PSKH2: variants seen among roughly 807,000 people sequenced by gnomAD.
PSKH2 encodes the protein serine/threonine-protein kinase H2.
In PSKH2, 16 loss-of-function variants were observed where a neutral mutation model predicts 22.5. The ratio of observed to expected loss-of-function variants is 0.71; its 90% CI spans 0.48 to 1.08. The LOEUF is 1.08. Among genes scored for constraint, PSKH2 ranks in the 50% least tolerant of loss-of-function variants. The pLI is 0.00. For missense variants in PSKH2, 516 were observed against 492.8 expected (o/e 1.05, Z -0.44); for synonymous variants, 188 against 184.8 (o/e 1.02, Z -0.14).
At chr8:86,055,240 G>A (rs1327225869) in intron 2 of PSKH2, among the ~76,000 whole-genome samples, 2 of 152,014 alleles carry the variant, frequency 1.3e-5, no homozygotes, top group African/African-American at 4.8e-5. Context: ...TGATATCAAG[G>A]TCAAGATACA....
intron 2 of PSKH2, among the ~76,000 whole-genome samples, chr8:86,050,888 CTA>C (rs1817621038): frequency 6.6e-6 from 1 of 152,060 alleles, no homozygotes; most frequent in Non-Finnish European, 1.5e-5. Context: ...CCTATTAACT[CTA>C]TGTTTTGTTT....
At chr8:86,065,707 C>T (rs971456667) in intron 1 of PSKH2, among the ~76,000 whole-genome samples, 1 of 152,044 alleles carries the variant, frequency 6.6e-6, no homozygotes, top group Non-Finnish European at 1.5e-5. Flanking sequence ...GCACGGTGGG[C>T]TCATCGTGTA....
chr8:86,068,705 A>C (rs912697028), intron 1 of PSKH2, among the ~76,000 whole-genome samples: 1 of 152,148 alleles, frequency 6.6e-6, no homozygotes, highest in Non-Finnish European at 1.5e-5. Flanking sequence ...CACTCGCTGT[A>C]ATCCCAATTT....
intron 2 of PSKH2, among the ~76,000 whole-genome samples, chr8:86,063,637 A>T (rs545218381): frequency 6.6e-6 from 1 of 152,332 alleles, no homozygotes; most frequent in Non-Finnish European, 1.5e-5. Context: ...ACTGCAGAGG[A>T]ACTCATTTAT....
At chr8:86,053,522 C>A (rs1012660619) in intron 2 of PSKH2, among the ~76,000 whole-genome samples, 1 of 152,128 alleles carries the variant, frequency 6.6e-6, no homozygotes, top group African/African-American at 2.4e-5. Context: ...GGTGGTGCCT[C>A]TTCAAGGAGA....
At chr8:86,067,830 G>A (rs1315069924) in intron 1 of PSKH2, among the ~76,000 whole-genome samples, 1 of 152,178 alleles carries the variant, frequency 6.6e-6, no homozygotes, top group South Asian at 2.1e-4. Context: ...CTGTGTTCTA[G>A]TCCCAATTCT....
chr8:86,069,260 C>T (rs529505087), intron 1 of PSKH2, among the ~76,000 whole-genome samples, 178 bp downstream of exon 1: 80 of 152,198 alleles, frequency 5.3e-4, no homozygotes, highest in African/African-American at 1.9e-3. Context: ...AAAAGACACT[C>T]TTGGGTTGTA....
intron 2 of PSKH2, among the ~76,000 whole-genome samples, chr8:86,062,399 T>C (rs1295076816): frequency 6.6e-6 from 1 of 152,172 alleles, no homozygotes; most frequent in African/African-American, 2.4e-5. Flanking sequence ...TCAAAATACA[T>C]AAATTTTTTA....
chr8:86,064,390 C>G lies in PSKH2; in HGVS notation c.427G>C (p.Gly143Arg). 1.9e-6 allele frequency: 3 copies of G among 1,614,154 alleles called. No homozygotes were observed. Among genetic ancestry groups the G allele is most frequent in the Non-Finnish European group, 2.5e-6 (3 of 1,180,036 alleles). The change falls in exon 2 of 3, where the codon GGG becomes CGG. Residue 143 changes from glycine (G) to arginine (R), a missense_variant. Physicochemically the swap from Gly to Arg is moderately radical, Grantham distance 125. Transcript: ENST00000276616. The part of the protein sequence containing the change: ...VYMVMELATG[G>R]ELFDRLIAQG... The stretch of plus-strand genomic sequence containing the variant: ...GCAATGAGTCGATCAAAGAGCTCCC[C>G]TCCGGTAGCCAGCTCCATTACCATG...
At chr8:86,050,642 C>T (rs1364524306) in intron 2 of PSKH2, among the ~76,000 whole-genome samples, 4 of 152,108 alleles carry the variant, frequency 2.6e-5, no homozygotes, top group Admixed American at 2.6e-4. Flanking sequence ...CAGCACATAC[C>T]GTATACCCGG....
intron 2 of PSKH2, among the ~76,000 whole-genome samples, chr8:86,058,551 T>G (rs1817735983): frequency 6.6e-6 from 1 of 152,250 alleles, no homozygotes; most frequent in Non-Finnish European, 1.5e-5. Flanking sequence ...TCCTTTTAGA[T>G]GTCTTACTGA....
At chr8:86,062,739 AC>A (rs1187038160) in intron 2 of PSKH2, among the ~76,000 whole-genome samples, 1 of 152,132 alleles carries the variant, frequency 6.6e-6, no homozygotes, top group Non-Finnish European at 1.5e-5. Flanking sequence ...AATATAAATT[AC>A]CCAGTCTTGA....
chr8:86,069,311 A>G (rs1817910222), intron 1 of PSKH2, 127 bp downstream of exon 1: 1 of 776,274 alleles, frequency 1.3e-6, no homozygotes, highest in Admixed American at 3.2e-5. Flanking sequence ...GGGGGAGATC[A>G]GTGCCTATCA....
chr8:86,052,861 T>G (rs1180510144), intron 2 of PSKH2, among the ~76,000 whole-genome samples: 1 of 152,218 alleles, frequency 6.6e-6, no homozygotes, highest in Non-Finnish European at 1.5e-5. Context: ...CTTTTTCCCC[T>G]TTTCTTCTTT....
In PSKH2 at chr8:86,064,397, A is replaced by G; in HGVS notation, c.420T>C (p.Ala140=). The G allele has an allele frequency of 6.2e-7, 1 of 1,614,202 alleles. No homozygotes were observed. The highest frequency in any genetic ancestry group is 8.5e-7 in the Non-Finnish European group (1 of 1,180,040). ...GTCGATCAAAGAGCTCCCCTCCGGT[A>G]GCCAGCTCCATTACCATGTAAACTT... is the stretch of plus-strand genomic sequence containing the variant. The part of the protein sequence containing the change: ...EDQVYMVMEL[A]TGGELFDRLI... Residue 140 remains alanine, a synonymous_variant, in exon 2 of 3, where the codon GCT becomes GCC. Coordinates refer to ENST00000276616, the MANE Select transcript of PSKH2 (RefSeq NM_033126.3).
intron 2 of PSKH2, among the ~76,000 whole-genome samples, chr8:86,051,680 G>A (rs1330107556): frequency 6.6e-6 from 1 of 152,170 alleles, no homozygotes; most frequent in Non-Finnish European, 1.5e-5. Context: ...CTATTTAAAT[G>A]AAGGTTAAAT....
intron 1 of PSKH2, among the ~76,000 whole-genome samples, chr8:86,068,591 G>C (rs573863635): frequency 6.6e-6 from 1 of 152,150 alleles, no homozygotes; most frequent in South Asian, 2.1e-4. Flanking sequence ...TACAGAGCTA[G>C]AAACGAAGGA....
chr8:86,051,745 T>C (rs552655995), intron 2 of PSKH2, among the ~76,000 whole-genome samples: 1 of 152,300 alleles, frequency 6.6e-6, no homozygotes, highest in African/African-American at 2.4e-5. Context: ...TCTGAAAGAG[T>C]ATAAAATATG....
rs1452992534 is a variant in PSKH2 at position 86,064,008 on chromosome 8, A to AG, written c.808dup (p.Leu270ProfsTer11). 6.2e-7 allele frequency: 1 copy of AG among 1,613,748 alleles called. No individual in the cohort carries two copies. Among genetic ancestry groups the AG allele is most frequent in the African/African-American group, 1.3e-5 (1 of 75,014 alleles). Reference sequence around the variant, plus strand: ...TTTGCCTTTCAGAATCTTCCTGTAAAGCCTTGTCTGGCTTTCATCATCAAA... The same window carrying AG: ...TTTGCCTTTCAGAATCTTCCTGTAAAGGCCTTGTCTGGCTTTCATCATCAAA... On this transcript the variant is annotated frameshift_variant, in exon 2 of 3. Transcript: ENST00000276616. LOFTEE classifies it low-confidence loss of function (END_TRUNC).
Sources: gnomAD v4.1 joint callset for allele counts (sites outside exome capture counted in the v4.1 genomes callset) on GRCh38, gnomAD v4.1.1 for gene constraint, MANE v1.5 for transcripts, NCBI Gene and HGNC (gene_info 2026-07-23, HGNC 2026-07-21) for gene names.